PLAC1: variants seen among roughly 807,000 people sequenced by gnomAD.
PLAC1 encodes the protein placenta associated 1.
For missense variants in PLAC1, 136 were observed against 163.2 expected (o/e 0.83, Z 0.91); for synonymous variants, 68 against 62.1 (o/e 1.09, Z -0.44).
At chrX:134,599,685 A>C (rs1198118353) in intron 2 of PLAC1, among the ~76,000 whole-genome samples, 3 of 111,623 alleles carry the variant, frequency 2.7e-5, no homozygotes, top group Non-Finnish European at 5.6e-5. Context: ...AATCTAGGGG[A>C]GGGAGAGTTG....
intron 1 of PLAC1, chrX:134,605,482 G>A (rs1004788056): frequency 1.8e-5 from 2 of 112,310 alleles, no homozygotes; most frequent in Non-Finnish European, 3.8e-5. Flanking sequence ...GAGACTGGGG[G>A]ACTCGTCTAA....
At chrX:134,720,638 G>A (rs1205010088) in intron 2 of PLAC1, among the ~76,000 whole-genome samples, 2 of 111,501 alleles carry the variant, frequency 1.8e-5, no homozygotes. Flanking sequence ...CAACAAACAC[G>A]CAAGTGACAA....
At chrX:134,622,691 G>A (rs1384105527) in intron 1 of PLAC1, among the ~76,000 whole-genome samples, 1 of 111,857 alleles carries the variant, frequency 8.9e-6, no homozygotes, top group Non-Finnish European at 1.9e-5. Context: ...AGCTGTGTTG[G>A]CCTAAGATTT....
intron 1 of PLAC1, among the ~76,000 whole-genome samples, chrX:134,657,089 T>C (rs1203297728): frequency 8.9e-6 from 1 of 111,739 alleles, no homozygotes. Flanking sequence ...AGAGTCCTCC[T>C]TTAACTCTGA....
intron 2 of PLAC1, among the ~76,000 whole-genome samples, chrX:134,724,464 A>C (rs1368019323): frequency 8.9e-6 from 1 of 112,468 alleles, no homozygotes; most frequent in Non-Finnish European, 1.9e-5. Flanking sequence ...TGCATTGTGC[A>C]CTGAGAGGAT....
chrX:134,747,775 T>A (rs1385137701), intron 1 of PLAC1, among the ~76,000 whole-genome samples: 5 of 111,683 alleles, frequency 4.5e-5, no homozygotes, highest in Non-Finnish European at 9.4e-5. Context: ...TTCAAAGCAC[T>A]TTTGCATTCA....
chrX:134,685,449 CTTTTTTTTTTTTT>C (rs200498313), intron 2 of PLAC1, among the ~76,000 whole-genome samples: 3 of 49,139 alleles, frequency 6.1e-5, no homozygotes, highest in African/African-American at 8.0e-5. Context: ...AATGGCGTCC[CTTTTTTTTTTTTT>C]TTTTTTTTTT....
intron 1 of PLAC1, among the ~76,000 whole-genome samples, chrX:134,749,903 C>T (rs1026948008): frequency 1.8e-5 from 2 of 111,591 alleles, no homozygotes; most frequent in Non-Finnish European, 3.8e-5. Context: ...ACTCCTATCA[C>T]CAGAGAGGCG....
chrX:134,728,624 T>C (rs1266313587), intron 2 of PLAC1, among the ~76,000 whole-genome samples: 1 of 111,865 alleles, frequency 8.9e-6, no homozygotes, highest in Non-Finnish European at 1.9e-5. Context: ...ATATCTTCAC[T>C]ACAAGAAATG....
chrX:134,690,975 A>AATATAT (rs1162870106), intron 2 of PLAC1, among the ~76,000 whole-genome samples: 14 of 29,881 alleles, frequency 4.7e-4, no homozygotes, highest in South Asian at 5.7e-3. Context: ...AAAAAAAAAA[A>AATATAT]ATATATATAT....
chrX:134,740,749 C>G (rs190523728), intron 1 of PLAC1, among the ~76,000 whole-genome samples: 36 of 111,522 alleles, frequency 3.2e-4, no homozygotes, highest in Middle Eastern at 9.2e-3. Context: ...GGAGAAGGCA[C>G]AGAAGAGGGA....
chrX:134,600,401 A>C (rs1166828232), intron 2 of PLAC1, among the ~76,000 whole-genome samples: 2 of 111,901 alleles, frequency 1.8e-5, no homozygotes, highest in Admixed American at 9.5e-5. Context: ...ACCTAGGCTT[A>C]AGTGAGCCAC....
At chrX:134,603,267 TTTTATATATATATA>T (rs1569384258) in intron 1 of PLAC1, among the ~76,000 whole-genome samples, 2 of 29,261 alleles carry the variant, frequency 6.8e-5, no homozygotes, top group Admixed American at 5.1e-4. Context: ...GCTCTCTGTA[TTTTATATATATATA>T]TATATATATA....
At chrX:134,703,029 T>C (rs961769929) in intron 2 of PLAC1, among the ~76,000 whole-genome samples, 1 of 112,116 alleles carries the variant, frequency 8.9e-6, no homozygotes, top group Non-Finnish European at 1.9e-5. Context: ...AGGTGTTAAA[T>C]TGTGTATAGG....
intron 2 of PLAC1, among the ~76,000 whole-genome samples, chrX:134,574,335 C>A (rs918789181): frequency 8.9e-6 from 1 of 112,285 alleles, no homozygotes; most frequent in Non-Finnish European, 1.9e-5. Context: ...TAATGAATGA[C>A]CACCAGAAAT....
chrX:134,704,500 A>C (rs1319231598), intron 2 of PLAC1, among the ~76,000 whole-genome samples: 74 of 105,427 alleles, frequency 7.0e-4, no homozygotes, highest in Admixed American at 3.5e-3. Context: ...CTCAAAAAAA[A>C]AAAAACAAAA....
chrX:134,739,791 G>A (rs180815078), intron 1 of PLAC1, among the ~76,000 whole-genome samples: 160 of 112,193 alleles, frequency 1.4e-3, no homozygotes, highest in African/African-American at 4.7e-3. Flanking sequence ...ATCTGGTCTC[G>A]ATTTCAAAGA....
chrX:134,760,237 C>T (rs761083412), intron 1 of PLAC1: 5 of 111,576 alleles, frequency 4.5e-5, no homozygotes, highest in South Asian at 7.5e-4. Context: ...AAAATGCCAA[C>T]GCCAACTATA....
intron 1 of PLAC1, among the ~76,000 whole-genome samples, chrX:134,651,783 A>C (rs1602878164): frequency 2.2e-5 from 2 of 90,025 alleles, no homozygotes; most frequent in Admixed American, 1.3e-4. Flanking sequence ...GTCATCCCCC[A>C]CTTGGCCCCA....
Sources: gnomAD v4.1 joint callset for allele counts (sites outside exome capture counted in the v4.1 genomes callset) on GRCh38, gnomAD v4.1.1 for gene constraint, MANE v1.5 for transcripts, NCBI Gene and HGNC (gene_info 2026-07-23, HGNC 2026-07-21) for gene names.